The following SCAMP1 variants were observed in gnomAD, a reference collection of about 807,000 sequenced individuals.
The protein encoded by SCAMP1 is secretory carrier membrane protein 1.
Under a neutral mutation model 41.8 loss-of-function variants are expected in SCAMP1, and 15 were observed. The ratio of observed to expected loss-of-function variants is 0.36; its 90% CI spans 0.24 to 0.55. The LOEUF (loss-of-function observed/expected upper bound fraction) is 0.55. Among genes scored for constraint, SCAMP1 ranks in the 20% least tolerant of loss-of-function variants. The pLI, the probability that SCAMP1 is intolerant of heterozygous loss-of-function variation, is 0.86. For synonymous variants in SCAMP1, 135 were observed against 136.8 expected (o/e 0.99, Z 0.09); for missense variants, 341 against 412.6 (o/e 0.83, Z 1.50).
intron 2 of SCAMP1, among the ~76,000 whole-genome samples, chr5:78,412,080 TTTTC>T (rs1752091704): frequency 6.6e-6 from 1 of 152,128 alleles, no homozygotes; most frequent in Admixed American, 6.5e-5. Flanking sequence ...AATGCAGTTT[TTTTC>T]AGTAACATGT....
At chr5:78,441,336 C>T (rs568900714) in intron 6 of SCAMP1, among the ~76,000 whole-genome samples, 57 of 152,228 alleles carry the variant, frequency 3.7e-4, no homozygotes, top group African/African-American at 1.3e-3. Flanking sequence ...CGTCTTCAAA[C>T]GGATCACTAT....
Position 78,416,599 on chromosome 5 carries a change from C to T in SCAMP1, c.293C>T (p.Ala98Val). Residue 98 changes from alanine to valine, a missense_variant, in exon 4 of 9, where the codon GCC becomes GTC. Transcript: ENST00000621999. ...LKRQEELERK[A>V]AELDRREREM... ...CGCCAGGAAGAACTAGAAAGAAAAG[C>T]CGCAGAATTAGATCGTCGGGAACGA... 1 of 1,600,218 alleles carries T rather than the reference C, an allele frequency of 6.2e-7. No individual in the cohort carries two copies. Among genetic ancestry groups the T allele is most frequent in the Non-Finnish European group, 8.5e-7 (1 of 1,173,058 alleles).
At chr5:78,442,555 G>A (rs911842403) in intron 6 of SCAMP1, among the ~76,000 whole-genome samples, 4 of 152,078 alleles carry the variant, frequency 2.6e-5, no homozygotes, top group South Asian at 2.1e-4. Context: ...CACCGCGCCC[G>A]GCTGAGTTTT....
At chr5:78,456,278 C>A (rs1753397674) in intron 7 of SCAMP1, among the ~76,000 whole-genome samples, 1 of 149,982 alleles carries the variant, frequency 6.7e-6, no homozygotes, top group East Asian at 2.0e-4. Flanking sequence ...TCTTCCTAGT[C>A]TCGATGGTCT....
At chr5:78,440,445 T>C (rs1752889955) in intron 6 of SCAMP1, among the ~76,000 whole-genome samples, 1 of 152,244 alleles carries the variant, frequency 6.6e-6, no homozygotes, top group Non-Finnish European at 1.5e-5. Flanking sequence ...GACTGTCAGC[T>C]GCAGGTCTGT....
rs71613955 is a variant in SCAMP1, at chr5:78,443,653, C to CTTTTTTTT, written c.633-6263_633-6256dup. ...TTAGCCAGACTAGTGAGTGGTTTTG[C>CTTTTTTTT]TTTTTTTTTTTTTTTTTTTTTTTTG... On this transcript the variant is annotated intron_variant, in intron 6 of 8. Transcript: ENST00000621999. 1.5e-3 allele frequency among the ~76,000 whole-genome samples: 107 copies of CTTTTTTTT among 71,960 alleles called. 2 individuals carry two copies. The highest frequency in any genetic ancestry group is 2.6e-3 in the African/African-American group (45 of 17,298). The allele number at this position is 71,960 out of a possible 152,430, so 47.2% of individuals were successfully genotyped here.
Position 78,475,655 on chromosome 5 carries a change from G to A in SCAMP1, c.1004G>A (p.Gly335Asp). The A allele has an allele frequency of 1.3e-6, 2 of 1,557,046 alleles. No homozygotes were observed. The highest frequency in any genetic ancestry group is 1.2e-5 in the South Asian group (1 of 82,486). ...AGTGCAGCTCAGAATGCTTTCAAGG[G>A]TAACCAGATTTAAGAATCTTCAAAC... Reference protein sequence around the residue: ...ASSAAQNAFKGNQI With the variant: ...ASSAAQNAFKDNQI The change falls in exon 9 of 9, where the codon GGT (glycine) becomes GAT (aspartate). Residue 335 changes from glycine (G) to aspartate (D), a missense_variant. Physicochemically the swap from Gly to Asp is moderately conservative, Grantham distance 94. Transcript: ENST00000621999.
intron 6 of SCAMP1, among the ~76,000 whole-genome samples, chr5:78,446,967 G>A (rs900001999): frequency 6.6e-6 from 1 of 152,244 alleles, no homozygotes; most frequent in Non-Finnish European, 1.5e-5. Context: ...GGGCCACACA[G>A]CAGGAAGTGA....
intron 6 of SCAMP1, among the ~76,000 whole-genome samples, chr5:78,437,565 A>G (rs1389021637): frequency 6.6e-6 from 1 of 152,188 alleles, no homozygotes; most frequent in African/African-American, 2.4e-5. Context: ...GATGAAGCCC[A>G]CTTGATCATG....
intron 6 of SCAMP1, among the ~76,000 whole-genome samples, chr5:78,439,125 G>A (rs1389869182): frequency 6.6e-6 from 1 of 152,128 alleles, no homozygotes; most frequent in Non-Finnish European, 1.5e-5. Context: ...GGTGAGATGG[G>A]TCTCCTGAAT....
intron 1 of SCAMP1, among the ~76,000 whole-genome samples, chr5:78,384,585 G>A (rs1751297019): frequency 6.6e-6 from 1 of 152,122 alleles, no homozygotes; most frequent in Non-Finnish European, 1.5e-5. Context: ...AATGTTGGCT[G>A]TAGGTTTGTC....
intron 6 of SCAMP1, among the ~76,000 whole-genome samples, chr5:78,442,641 T>G (rs1448912595): frequency 6.6e-6 from 1 of 152,216 alleles, no homozygotes; most frequent in Non-Finnish European, 1.5e-5. Context: ...AATGTTGATT[T>G]CCGTTTTCCT....
chr5:78,364,084 G>A (rs1453176726), intron 1 of SCAMP1, among the ~76,000 whole-genome samples: 1 of 152,214 alleles, frequency 6.6e-6, no homozygotes, highest in Non-Finnish European at 1.5e-5. Flanking sequence ...TATGTCCTTT[G>A]TTTTCTGTTG....
chr5:78,399,832 C>G (rs1751754870), intron 2 of SCAMP1, among the ~76,000 whole-genome samples: 1 of 152,102 alleles, frequency 6.6e-6, no homozygotes, highest in Non-Finnish European at 1.5e-5. Context: ...AGGGATCATG[C>G]CATTGTTGTT....
At chr5:78,394,870 C>CTA (rs1469348058) in intron 2 of SCAMP1, among the ~76,000 whole-genome samples, 1 of 152,218 alleles carries the variant, frequency 6.6e-6, no homozygotes, top group Non-Finnish European at 1.5e-5. Context: ...TACATCTAAT[C>CTA]AGTTGCCACA....
intron 1 of SCAMP1, among the ~76,000 whole-genome samples, chr5:78,363,886 A>G (rs1389576638): frequency 6.6e-6 from 1 of 152,128 alleles, no homozygotes; most frequent in Non-Finnish European, 1.5e-5. Context: ...ATGAAATTTG[A>G]ATGGCTTTCA....
intron 1 of SCAMP1, among the ~76,000 whole-genome samples, chr5:78,371,840 A>C (rs1750949985): frequency 6.6e-6 from 1 of 152,246 alleles, no homozygotes; most frequent in South Asian, 2.1e-4. Context: ...AAGCAGAAAC[A>C]CTGGAACCCC....
In SCAMP1 at chr5:78,455,783, G is replaced by C. The variant is rs1045244282; in HGVS notation, c.735-3462G>C. Among the ~76,000 whole-genome samples, 5 of 131,336 alleles carry C rather than the reference G, an allele frequency of 3.8e-5. 1 individual carries two copies. Among genetic ancestry groups the C allele is most frequent in the Admixed American group, 1.5e-4 (2 of 13,070 alleles). 86.2% of individuals were successfully genotyped at this position (131,336 alleles called of 152,430 possible). Reference sequence around the variant, plus strand: ...TGATCTGTCTAATGTTGACAGTGGGGTGTTAAAGTCTCCCATTATTAATGT... The same window carrying C: ...TGATCTGTCTAATGTTGACAGTGGGCTGTTAAAGTCTCCCATTATTAATGT... On this transcript the variant is annotated intron_variant, in intron 7 of 8. Coordinates refer to ENST00000621999, the MANE Select transcript of SCAMP1 (RefSeq NM_004866.6).
chr5:78,418,882 C>A lies in SCAMP1; in HGVS notation c.451C>A (p.Leu151Ile), dbSNP rs748433715. The A allele has an allele frequency of 7.6e-6, 12 of 1,572,920 alleles. No individual in the cohort carries two copies. The South Asian group carries it at 1.4e-4, about 19-fold the overall frequency. Residue 151 changes from leucine (L) to isoleucine (I), a missense_variant, in exon 5 of 9, where the codon CTT becomes ATT. Physicochemically the swap from Leu to Ile is conservative, Grantham distance 5. Coordinates refer to ENST00000621999, the MANE Select transcript of SCAMP1 (RefSeq NM_004866.6). The stretch of plus-strand genomic sequence containing the variant: ...TGTAGAATTCCAAAAGACAGTAAAG[C>A]TTATGTACTACTTGTGGATGTGTGA... ...IPVEFQKTVK[L>I]MYYLWMFHAV... is the part of the protein sequence containing the mutation.
Sources: gnomAD v4.1 joint callset for allele counts (sites outside exome capture counted in the v4.1 genomes callset) on GRCh38, gnomAD v4.1.1 for gene constraint, MANE v1.5 for transcripts, NCBI Gene and HGNC (gene_info 2026-07-23, HGNC 2026-07-21) for gene names.